The following SPATS2L variants were observed in gnomAD, a reference collection of about 807,000 sequenced individuals.
SPATS2L encodes the protein spermatogenesis associated serine rich 2 like, also known as SPATS2-like protein.
In SPATS2L, 30 loss-of-function variants were observed where a neutral mutation model predicts 59.6. The ratio of observed to expected loss-of-function variants is 0.50; its 90% CI spans 0.38 to 0.68. The LOEUF (loss-of-function observed/expected upper bound fraction) is 0.68. SPATS2L is among the 30% of genes least tolerant of loss of function. The pLI, the probability that SPATS2L is intolerant of heterozygous loss-of-function variation, is 0.00. For synonymous variants in SPATS2L, 252 were observed against 263.5 expected (o/e 0.96, Z 0.42); for missense variants, 615 against 700.0 (o/e 0.88, Z 1.37).
intron 3 of SPATS2L, among the ~76,000 whole-genome samples, chr2:200,395,379 A>T (rs1038253154): frequency 1.3e-5 from 2 of 152,230 alleles, no homozygotes; most frequent in African/African-American, 4.8e-5. Flanking sequence ...TTATGCACTG[A>T]TAACTAATTC....
intron 1 of SPATS2L, among the ~76,000 whole-genome samples, chr2:200,326,595 G>A (rs1308854152): frequency 2.0e-5 from 3 of 152,232 alleles, no homozygotes; most frequent in South Asian, 2.1e-4. Context: ...AATAATTGTG[G>A]AATCCCTTTC....
At chr2:200,424,197 T>C (rs2083428244) in intron 6 of SPATS2L, among the ~76,000 whole-genome samples, 1 of 152,122 alleles carries the variant, frequency 6.6e-6, no homozygotes, top group Admixed American at 6.5e-5. Context: ...TCAAGATTTA[T>C]TTTTGCCGAG....
At chr2:200,428,142 A>G (rs2083693103) in intron 6 of SPATS2L, among the ~76,000 whole-genome samples, 1 of 151,876 alleles carries the variant, frequency 6.6e-6, no homozygotes, top group South Asian at 2.1e-4. Context: ...TCAGAGAGTT[A>G]CCTTTACTCC....
At chr2:200,391,948 A>G (rs927314183) in intron 3 of SPATS2L, among the ~76,000 whole-genome samples, 1 of 152,204 alleles carries the variant, frequency 6.6e-6, no homozygotes, top group African/African-American at 2.4e-5. Context: ...TCCTTGGGGT[A>G]TTATTACATG....
At chr2:200,425,061 A>T (rs2083479038) in intron 6 of SPATS2L, among the ~76,000 whole-genome samples, 1 of 146,252 alleles carries the variant, frequency 6.8e-6, no homozygotes, top group Non-Finnish European at 1.5e-5. Context: ...CTGCTTTCTC[A>T]TCCTCAAGTG....
intron 6 of SPATS2L, among the ~76,000 whole-genome samples, chr2:200,424,241 C>T (rs1461028295): frequency 6.6e-6 from 1 of 152,026 alleles, no homozygotes; most frequent in Non-Finnish European, 1.5e-5. Context: ...AATCCCAGCA[C>T]TTTCAGAGGC....
At chr2:200,445,132 G>A (rs1043136691) in intron 8 of SPATS2L, among the ~76,000 whole-genome samples, 1 of 151,746 alleles carries the variant, frequency 6.6e-6, no homozygotes, top group Non-Finnish European at 1.5e-5. Flanking sequence ...GCAACACAGC[G>A]AGACCTTGTC....
intron 3 of SPATS2L, among the ~76,000 whole-genome samples, chr2:200,394,188 AC>A (rs1461259092): frequency 6.6e-6 from 1 of 152,208 alleles, no homozygotes; most frequent in Non-Finnish European, 1.5e-5. Flanking sequence ...CTTCGGCATA[AC>A]ATACATCCCC....
At chr2:200,398,987 A>G (rs1174688755) in intron 3 of SPATS2L, among the ~76,000 whole-genome samples, 1 of 152,136 alleles carries the variant, frequency 6.6e-6, no homozygotes, top group Non-Finnish European at 1.5e-5. Flanking sequence ...CTGCTTCTCA[A>G]TCCTTGAAGG....
chr2:200,314,650 T>G (rs2079304966), intron 1 of SPATS2L, among the ~76,000 whole-genome samples: 1 of 152,150 alleles, frequency 6.6e-6, no homozygotes, highest in Admixed American at 6.5e-5. Context: ...CCCCACTGTC[T>G]GCCCCTGCCC....
Position 200,440,695 on chromosome 2 carries a change from T to G in SPATS2L, c.699T>G (p.Val233=). 6.2e-7 allele frequency: 1 copy of G among 1,613,690 alleles called. No homozygotes were observed. Among genetic ancestry groups the G allele is most frequent in the Non-Finnish European group, 8.5e-7 (1 of 1,179,686 alleles). ...KSVKDLQRCT[V]SLTRYRVMIK... The stretch of plus-strand genomic sequence containing the variant: ...TGAAGGATTTGCAACGCTGCACCGT[T>G]TCTCTAACTAGATATCGCGTCATGA... The change falls in exon 8 of 13, where the codon GTT becomes GTG. Residue 233 remains valine (V), a synonymous_variant. Coordinates refer to ENST00000409140, the MANE Select transcript of SPATS2L (RefSeq NM_001100423.2).
chr2:200,407,705 A>C (rs552878698), intron 3 of SPATS2L, among the ~76,000 whole-genome samples: 1 of 152,310 alleles, frequency 6.6e-6, no homozygotes, highest in South Asian at 2.1e-4. Context: ...ATATTCCTCC[A>C]GTCTCTGTTA....
chr2:200,438,912 G>A (rs1281020223), intron 6 of SPATS2L, among the ~76,000 whole-genome samples: 1 of 152,138 alleles, frequency 6.6e-6, no homozygotes. Context: ...GCCAAAACAT[G>A]CCCAGGTCTT....
In SPATS2L at chr2:200,470,142, G is replaced by C. The variant is rs889728477; in HGVS notation, c.1060+126G>C. The stretch of plus-strand genomic sequence containing the variant: ...AACGTGAGGTCTAAAGAGATTTAAT[G>C]ATCTAAGCTCATGACACAAGTCACC... On this transcript the variant is annotated intron_variant, in intron 11 of 12. Coordinates refer to ENST00000409140, the MANE Select transcript of SPATS2L (RefSeq NM_001100423.2). 4.4e-6 allele frequency: 3 copies of C among 675,080 alleles called. No individual in the cohort carries two copies. In the African/African-American group the frequency reaches 5.4e-5, roughly 12 times the overall value. 41.8% of individuals were successfully genotyped at this position (675,080 alleles called of 1,614,324 possible). A position where few individuals can be genotyped will look rare whatever the true frequency, so the allele number is the denominator to read the frequency against.
At chr2:200,419,899 A>C (rs2083239291) in intron 6 of SPATS2L, among the ~76,000 whole-genome samples, 1 of 152,040 alleles carries the variant, frequency 6.6e-6, no homozygotes, top group Non-Finnish European at 1.5e-5. Flanking sequence ...TTTTAATGGA[A>C]ATTCCAGTTT....
intron 1 of SPATS2L, among the ~76,000 whole-genome samples, chr2:200,314,464 A>G (rs1281566360): frequency 6.6e-6 from 1 of 151,634 alleles, no homozygotes; most frequent in African/African-American, 2.4e-5. Flanking sequence ...TTTGTTCCTC[A>G]TACTGCTGCC....
At chr2:200,339,873 T>C (rs1219610259) in intron 2 of SPATS2L, among the ~76,000 whole-genome samples, 1 of 152,210 alleles carries the variant, frequency 6.6e-6, no homozygotes, top group Non-Finnish European at 1.5e-5. Flanking sequence ...CAGTCCATAA[T>C]TTTTTGTTTA....
intron 3 of SPATS2L, among the ~76,000 whole-genome samples, chr2:200,395,154 T>C (rs1421993291): frequency 6.6e-6 from 1 of 152,240 alleles, no homozygotes; most frequent in Non-Finnish European, 1.5e-5. Context: ...AATATGTGGG[T>C]ACCAAGGTAA....
chr2:200,381,412 G>A (rs758775253), intron 2 of SPATS2L, among the ~76,000 whole-genome samples: 4 of 152,110 alleles, frequency 2.6e-5, no homozygotes, highest in African/African-American at 7.2e-5. Flanking sequence ...TGAGGCCCTC[G>A]TGCCACAGTG....
Sources: gnomAD v4.1 joint callset for allele counts (sites outside exome capture counted in the v4.1 genomes callset) on GRCh38, gnomAD v4.1.1 for gene constraint, MANE v1.5 for transcripts, NCBI Gene and HGNC (gene_info 2026-07-23, HGNC 2026-07-21) for gene names.